The following FMN1 variants were observed in gnomAD, a reference collection of about 807,000 sequenced individuals.
The protein encoded by FMN1 is formin-1.
In FMN1, 110 loss-of-function variants were observed where a neutral mutation model predicts 132.4. That is an observed-to-expected ratio of 0.83 (90% CI 0.71 to 0.97). The LOEUF (loss-of-function observed/expected upper bound fraction) is 0.97, where lower values mean the gene tolerates loss of function less well. FMN1 is among the 50% of genes least tolerant of loss of function. The pLI is 0.00. For missense variants in FMN1, 1,792 were observed against 1,705.3 expected, an observed-to-expected ratio of 1.05 and a Z score of -0.90; for synonymous variants, 722 against 651.7, an observed-to-expected ratio of 1.11 and a Z score of -1.64.
intron 7 of FMN1, among the ~76,000 whole-genome samples, chr15:33,000,450 G>GAA (rs2034030917): frequency 1.2e-4 from 3 of 24,338 alleles, no homozygotes; most frequent in South Asian, 1.8e-3. Flanking sequence ...CTCCATCTCA[G>GAA]GAAAAAAAAA....
In FMN1 at chr15:32,926,237, G is replaced by T; in HGVS notation, c.3163C>A (p.Arg1055=). ...KKIIKLLDGK[R]SQTVGILISS... is the part of the protein sequence containing the mutation. ...ATCAAGATTCCCACAGTTTGAGATC[G>T]TTTTCCATCCAACAATTTGATGATC... The change falls in exon 10 of 21, where the codon CGA becomes AGA. Residue 1055 remains arginine (R), a synonymous_variant. Coordinates refer to ENST00000616417, the MANE Select transcript of FMN1 (RefSeq NM_001277313.2). The T allele has an allele frequency of 2.0e-6, 3 of 1,505,192 alleles. No homozygotes were observed. The highest frequency in any genetic ancestry group is 2.7e-6 in the Non-Finnish European group (3 of 1,113,806). 93.2% of individuals were successfully genotyped at this position (1,505,192 alleles called of 1,614,324 possible). A position where few individuals can be genotyped will look rare whatever the true frequency, so the allele number is the denominator to read the frequency against.
intron 9 of FMN1, among the ~76,000 whole-genome samples, chr15:32,955,825 G>A (rs1291072804): frequency 6.6e-6 from 1 of 151,878 alleles, no homozygotes; most frequent in Non-Finnish European, 1.5e-5. Context: ...GTGTGTGTGT[G>A]TGCGTGCGCG....
chr15:32,961,466 G>A (rs1258075359), intron 9 of FMN1, among the ~76,000 whole-genome samples: 3 of 152,036 alleles, frequency 2.0e-5, no homozygotes, highest in Admixed American at 1.3e-4. Context: ...GGGAAAATAC[G>A]ACAAGGAAGA....
intron 3 of FMN1, among the ~76,000 whole-genome samples, chr15:33,156,694 A>G (rs1964686733): frequency 6.6e-6 from 1 of 152,178 alleles, no homozygotes; most frequent in Non-Finnish European, 1.5e-5. Context: ...GCATGTGTCC[A>G]AGAACTCACT....
At chr15:32,963,352 G>C (rs1234843954) in intron 9 of FMN1, among the ~76,000 whole-genome samples, 7 of 144,782 alleles carry the variant, frequency 4.8e-5, no homozygotes, top group Admixed American at 3.4e-4. Context: ...GTGGGGTCGG[G>C]GGGGTGGGGG....
At chr15:33,032,616 TATTTGCACAATTA>T (rs2035989874) in intron 6 of FMN1, among the ~76,000 whole-genome samples, 1 of 152,228 alleles carries the variant, frequency 6.6e-6, no homozygotes, top group Non-Finnish European at 1.5e-5. Context: ...TCTCTGGTGT[TATTTGCACAATTA>T]AAATAACTTA....
intron 15 of FMN1, among the ~76,000 whole-genome samples, chr15:32,895,834 G>A (rs1468731950): frequency 6.6e-6 from 1 of 151,832 alleles, no homozygotes; most frequent in Non-Finnish European, 1.5e-5. Context: ...AGTCATTTTT[G>A]AGATACTACA....
At chr15:32,876,684 T>C (rs1266567708) in intron 16 of FMN1, among the ~76,000 whole-genome samples, 1 of 152,252 alleles carries the variant, frequency 6.6e-6, no homozygotes, top group African/African-American at 2.4e-5. Context: ...AGAACAATTA[T>C]AAATATCTAG....
chr15:32,861,143 T>A (rs185612708), intron 16 of FMN1, among the ~76,000 whole-genome samples: 2 of 152,228 alleles, frequency 1.3e-5, no homozygotes, highest in African/African-American at 4.8e-5. Flanking sequence ...AACAATTTCA[T>A]TTATATAGAA....
At chr15:32,986,677 T>C (rs1030357671) in intron 7 of FMN1, among the ~76,000 whole-genome samples, 1 of 152,144 alleles carries the variant, frequency 6.6e-6, no homozygotes, top group Admixed American at 6.6e-5. Context: ...AACATCAAGA[T>C]GCATGTGGAA....
At chr15:33,102,359 T>A (rs345786) in intron 4 of FMN1, among the ~76,000 whole-genome samples, 43,398 of 151,934 alleles carry the variant, frequency 0.29, 6,767 homozygotes, top group East Asian at 0.67. Context: ...AGTAAAACAT[T>A]GGGGAGCAGA....
chr15:32,836,177 TC>T (rs1335209448), intron 17 of FMN1, among the ~76,000 whole-genome samples: 3 of 152,220 alleles, frequency 2.0e-5, no homozygotes, highest in East Asian at 1.9e-4. Context: ...ACAAGGCTGC[TC>T]ACTAGCAGCC....
At chr15:33,120,081 TGTTA>T (rs151243106) in intron 4 of FMN1, among the ~76,000 whole-genome samples, 2,786 of 152,266 alleles carry the variant, frequency 0.018, 80 homozygotes, top group African/African-American at 0.064. Context: ...GAGGTTACAA[TGTTA>T]GTTAAAGGCA....
chr15:32,799,076 G>A, intron 18 of FMN1, 123 bp from the exon 19 acceptor site: 2 of 710,156 alleles, frequency 2.8e-6, no homozygotes, highest in Admixed American at 6.1e-5. Context: ...ACAGAAGCTG[G>A]GGGCTCATAG....
At chr15:33,102,622 G>A (rs996952560) in intron 4 of FMN1, among the ~76,000 whole-genome samples, 1 of 151,982 alleles carries the variant, frequency 6.6e-6, no homozygotes, top group Admixed American at 6.6e-5. Flanking sequence ...GTATTATGGA[G>A]ACCACAATGG....
intron 17 of FMN1, among the ~76,000 whole-genome samples, chr15:32,845,474 GAAAC>G (rs2058834603): frequency 6.6e-6 from 1 of 152,142 alleles, no homozygotes; most frequent in East Asian, 1.9e-4. Context: ...TTTAGATGAT[GAAAC>G]AAATATGCTT....
chr15:32,938,233 C>T (rs1265654231), intron 9 of FMN1, among the ~76,000 whole-genome samples: 1 of 151,922 alleles, frequency 6.6e-6, no homozygotes, highest in African/African-American at 2.4e-5. Flanking sequence ...AATTAGAAAT[C>T]ATCCAAATTT....
At chr15:32,782,873 C>T (rs930341500) in intron 19 of FMN1, among the ~76,000 whole-genome samples, 11 of 152,156 alleles carry the variant, frequency 7.2e-5, no homozygotes, top group Non-Finnish European at 1.5e-4. Flanking sequence ...AGCTGCAGAT[C>T]ATTATCCTAA....
At chr15:32,808,470 T>C (rs1259970051) in intron 17 of FMN1, among the ~76,000 whole-genome samples, 1 of 152,220 alleles carries the variant, frequency 6.6e-6, no homozygotes, top group Non-Finnish European at 1.5e-5. Flanking sequence ...TTCCAGTGGG[T>C]TGGCTGTTTT....
Sources: allele counts gnomAD v4.1 joint callset (sites outside exome capture counted in the v4.1 genomes callset), GRCh38; gene constraint gnomAD v4.1.1; transcripts MANE v1.5; gene names NCBI Gene and HGNC (gene_info 2026-07-23, HGNC 2026-07-21).